The following ARMC9 variants were observed in gnomAD, a reference collection of about 807,000 sequenced individuals.
The protein encoded by ARMC9 is lisH domain-containing protein ARMC9.
Under a neutral mutation model 107.0 loss-of-function variants are expected in ARMC9, and 94 were observed. The observed-to-expected ratio is 0.88, with a 90% CI of 0.74 to 1.04. The LOEUF is 1.04. ARMC9 is among the 50% of genes least tolerant of loss of function. The pLI is 0.00. For synonymous variants in ARMC9, 380 were observed against 396.9 expected (o/e 0.96, Z 0.51); for missense variants, 942 against 1,030.1 (o/e 0.91, Z 1.17).
chr2:231,254,460 A>G (rs2037574216), intron 9 of ARMC9, among the ~76,000 whole-genome samples: 1 of 152,180 alleles, frequency 6.6e-6, no homozygotes, highest in Non-Finnish European at 1.5e-5. Context: ...GGCAATGTTT[A>G]TCAGAATTGA....
intron 23 of ARMC9, among the ~76,000 whole-genome samples, chr2:231,363,255 A>G (rs1203763993): frequency 6.6e-6 from 1 of 152,172 alleles, no homozygotes; most frequent in Non-Finnish European, 1.5e-5. Flanking sequence ...GTGGTTCTCT[A>G]TGTGGCTTTG....
chr2:231,221,226 C>T (rs2034093438), intron 5 of ARMC9, among the ~76,000 whole-genome samples: 1 of 152,198 alleles, frequency 6.6e-6, no homozygotes, highest in South Asian at 2.1e-4. Flanking sequence ...CAGCATCATT[C>T]CAGTCTCTGT....
Position 231,270,967 on chromosome 2 carries a change from G to C in ARMC9, c.1120-15G>C. Reference sequence around the variant, plus strand: ...TGTTCTTAACCTTGTTTTTCCTCTTGACGTTTTCCCCCAGAGGAGTGTGCT... The same window carrying C: ...TGTTCTTAACCTTGTTTTTCCTCTTCACGTTTTCCCCCAGAGGAGTGTGCT... On this transcript the variant is annotated splice_polypyrimidine_tract_variant and intron_variant, in intron 12 of 24. Transcript: ENST00000611582. 1.2e-6 allele frequency: 2 copies of C among 1,613,278 alleles called. No homozygotes were observed. Among genetic ancestry groups the C allele is most frequent in the Non-Finnish European group, 1.7e-6 (2 of 1,179,390 alleles).
At chr2:231,282,155 A>G in intron 17 of ARMC9, 22 bp downstream of exon 17, 1 of 1,611,830 alleles carries the variant, frequency 6.2e-7, no homozygotes, top group Non-Finnish European at 8.5e-7. Context: ...TGCCTGAGAA[A>G]CATGTGAGCT....
chr2:231,328,909 G>A (rs776616028), intron 19 of ARMC9, among the ~76,000 whole-genome samples: 4 of 150,308 alleles, frequency 2.7e-5, no homozygotes, highest in Non-Finnish European at 5.9e-5. Flanking sequence ...CCGCCTCCCG[G>A]GTTCACACCA....
chr2:231,310,580 A>T (rs375588979), intron 19 of ARMC9, among the ~76,000 whole-genome samples: 2 of 151,580 alleles, frequency 1.3e-5, no homozygotes, highest in East Asian at 3.9e-4. Flanking sequence ...AAAATACAAA[A>T]ATTAGCCAGG....
chr2:231,326,285 ATC>A (rs1201124804), intron 19 of ARMC9, among the ~76,000 whole-genome samples: 1 of 152,200 alleles, frequency 6.6e-6, no homozygotes, highest in African/African-American at 2.4e-5. Context: ...CACCAGGAAA[ATC>A]CACACCAAGC....
chr2:231,220,837 T>C (rs1043279446), intron 5 of ARMC9, among the ~76,000 whole-genome samples: 6 of 152,214 alleles, frequency 3.9e-5, no homozygotes, highest in African/African-American at 1.4e-4. Context: ...AAGTAAGTAA[T>C]TACATTGAAA....
Position 231,331,778 on chromosome 2 carries a change from T to C in ARMC9, c.1774-15T>C. On this transcript the variant is annotated splice_polypyrimidine_tract_variant and intron_variant, in intron 19 of 24. Transcript: ENST00000611582. ...CAGGGTGTCCATGGCATTCACCCCA[T>C]GTCTCCTGAAACAGGAGGACCATGA... 2.5e-6 allele frequency: 4 copies of C among 1,609,194 alleles called. No homozygotes were observed. Among genetic ancestry groups the C allele is most frequent in the Non-Finnish European group, 3.4e-6 (4 of 1,175,764 alleles).
At chr2:231,233,008 G>T (rs112918611) in intron 7 of ARMC9, among the ~76,000 whole-genome samples, 15 of 151,502 alleles carry the variant, frequency 9.9e-5, no homozygotes, top group African/African-American at 3.6e-4. Context: ...GTGCCTCCAC[G>T]CCTGGCTAGT....
intron 19 of ARMC9, among the ~76,000 whole-genome samples, chr2:231,304,521 C>G (rs2041940279): frequency 6.6e-6 from 1 of 152,172 alleles, no homozygotes; most frequent in South Asian, 2.1e-4. Context: ...CTCAGCCTCC[C>G]AAGTAGCTGG....
chr2:231,226,767 A>G lies in ARMC9; in HGVS notation c.598-7A>G, dbSNP rs766901087. The G allele has an allele frequency of 1.8e-5, 29 of 1,613,686 alleles. No individual in the cohort carries two copies. Among genetic ancestry groups the G allele is most frequent in the Non-Finnish European group, 2.1e-5 (25 of 1,179,660 alleles). Reference sequence around the variant, plus strand: ...GCCTGTTTTCCTGAACTTCTTTTTCATCCCAGAAGGAGAATGGACAAAGTA... The same window carrying G: ...GCCTGTTTTCCTGAACTTCTTTTTCGTCCCAGAAGGAGAATGGACAAAGTA... On this transcript the variant is annotated splice_polypyrimidine_tract_variant and splice_region_variant and intron_variant, in intron 6 of 24. Transcript: ENST00000611582.
At position 231,259,073 on chromosome 2, in the gene ARMC9, A is replaced by T. The variant is rs2038101188; in HGVS notation, c.997A>T (p.Lys333Ter). The T allele has an allele frequency of 6.2e-7, 1 of 1,614,128 alleles. No individual in the cohort carries two copies. The highest frequency in any genetic ancestry group is 1.3e-5 in the African/African-American group (1 of 75,050). ...TTTGATTTTGGGGAGTGACCGCTTG[A>T]AAGCCTTCTTGTTGCAGGCTCTGCG... Reference protein sequence around the residue: ...KDLILGSDRLKAFLLQALRWR... With the variant: ...KDLILGSDRL The change falls in exon 11 of 25, where the codon AAA (lysine) becomes TAA (stop). Residue 333 changes from lysine to a stop codon, truncating the protein, a stop_gained. Transcript: ENST00000611582. LOFTEE classifies it high-confidence loss of function.
chr2:231,287,326 G>A (rs2040666307), intron 17 of ARMC9, among the ~76,000 whole-genome samples: 1 of 152,216 alleles, frequency 6.6e-6, no homozygotes, highest in Non-Finnish European at 1.5e-5. Context: ...CTGAATCAAA[G>A]TCATTTGCTT....
chr2:231,276,345 A>T (rs893481346), intron 14 of ARMC9, among the ~76,000 whole-genome samples: 1 of 149,954 alleles, frequency 6.7e-6, no homozygotes, highest in Non-Finnish European at 1.5e-5. Context: ...ATCTCGGCTC[A>T]CTGCAACCTC....
chr2:231,241,174 G>T (rs1381097207), intron 9 of ARMC9, among the ~76,000 whole-genome samples: 10 of 150,126 alleles, frequency 6.7e-5, no homozygotes, highest in Non-Finnish European at 1.3e-4. Context: ...CTCCAGCCTG[G>T]GGGACAAGAG....
chr2:231,248,453 C>T (rs537993300), intron 9 of ARMC9, among the ~76,000 whole-genome samples: 12 of 152,046 alleles, frequency 7.9e-5, no homozygotes, highest in African/African-American at 1.9e-4. Flanking sequence ...TGCTCAACAC[C>T]GTTATCACCT....
intron 9 of ARMC9, among the ~76,000 whole-genome samples, chr2:231,246,723 T>A (rs1427129311): frequency 6.6e-6 from 1 of 152,216 alleles, no homozygotes; most frequent in Non-Finnish European, 1.5e-5. Context: ...ATAGAATTGC[T>A]GGGTCAAATG....
At chr2:231,319,383 C>T (rs1013330410) in intron 19 of ARMC9, among the ~76,000 whole-genome samples, 1 of 152,096 alleles carries the variant, frequency 6.6e-6, no homozygotes, top group African/African-American at 2.4e-5. Context: ...CATGTACAAG[C>T]CTTAGTTTCT....
Sources: gnomAD v4.1 joint callset for allele counts (sites outside exome capture counted in the v4.1 genomes callset) on GRCh38, gnomAD v4.1.1 for gene constraint, MANE v1.5 for transcripts, NCBI Gene and HGNC (gene_info 2026-07-23, HGNC 2026-07-21) for gene names.